Variants in PCDHGA9 observed in about 807,000 individuals in gnomAD.
The protein encoded by PCDHGA9 is protocadherin gamma subfamily A, 9.
Under a neutral mutation model 62.5 loss-of-function variants are expected in PCDHGA9, and 37 were observed. The ratio of observed to expected loss-of-function variants is 0.59; its 90% CI spans 0.46 to 0.78. PCDHGA9 has a LOEUF of 0.78. Among genes scored for constraint, PCDHGA9 ranks in the 30% least tolerant of loss-of-function variants. The probability of loss-of-function intolerance (pLI) is 0.00; values close to 1 mark genes in which losing one functional copy is unlikely to be tolerated. For missense variants in PCDHGA9, 1,138 were observed against 1,166.2 expected, an observed-to-expected ratio of 0.98 and a Z score of 0.35; for synonymous variants, 459 against 484.6, an observed-to-expected ratio of 0.95 and a Z score of 0.69.
At chr5:141,422,149 C>G in intron 1 of PCDHGA9, 1 of 1,577,238 alleles carries the variant, frequency 6.3e-7, no homozygotes. Context: ...ACGGGGGTCT[C>G]TGGATTTTGA....
intron 1 of PCDHGA9, among the ~76,000 whole-genome samples, chr5:141,448,813 C>T (rs1020956433): frequency 2.0e-5 from 3 of 151,800 alleles, no homozygotes; most frequent in Admixed American, 1.3e-4. Context: ...GGCGTGATGG[C>T]GGGCGCCTGT....
At chr5:141,467,704 C>T (rs2099149502) in intron 1 of PCDHGA9, among the ~76,000 whole-genome samples, 2 of 152,174 alleles carry the variant, frequency 1.3e-5, no homozygotes. Flanking sequence ...CTCTGTTGCC[C>T]AGGCTGGAGT....
In PCDHGA9 at chr5:141,511,286, G is replaced by A. The variant is rs1231704933; in HGVS notation, c.*113G>A. On this transcript the variant is annotated 3_prime_UTR_variant, in exon 4 of 4. Coordinates refer to ENST00000573521, the MANE Select transcript of PCDHGA9 (RefSeq NM_018921.3). The stretch of plus-strand genomic sequence containing the variant: ...GGCTAACCCCCAGAATACTGGTAGG[G>A]GCCAAGGCCATGCTCCCCTTGGGAA... 2 of 1,520,242 alleles carry A rather than the reference G, an allele frequency of 1.3e-6. No individual in the cohort carries two copies. The allele number at this position is 1,520,242 out of a possible 1,614,324, so 94.2% of individuals were successfully genotyped here.
In PCDHGA9 at chr5:141,487,917, CTACAGTGCACAGGG is replaced by C; in HGVS notation, c.2425-6879_2425-6866del. On this transcript the variant is annotated intron_variant, in intron 1 of 3. Coordinates refer to ENST00000573521, the MANE Select transcript of PCDHGA9 (RefSeq NM_018921.3). The surrounding 1 kb of genome is among the most constrained non-coding windows in gnomAD (Gnocchi z 5.0). ...TGATGGAATGTGGGAGCACAGGAGG[CTACAGTGCACAGGG>C]TACAGTGCACCAGGCAGTCACTTGG... 1 of 647,994 alleles carries C rather than the reference CTACAGTGCACAGGG, an allele frequency of 1.5e-6. No homozygotes were observed. The highest frequency in any genetic ancestry group is 2.7e-6 in the Non-Finnish European group (1 of 377,182). 40.1% of individuals were successfully genotyped at this position (647,994 alleles called of 1,614,324 possible).
chr5:141,423,157 G>A (rs527921011), intron 1 of PCDHGA9: 1 of 1,610,820 alleles, frequency 6.2e-7, no homozygotes, highest in Non-Finnish European at 8.5e-7. Flanking sequence ...GCAGAGCCTC[G>A]TGGTGGCCGT....
chr5:141,409,748 G>A (rs2095311209), intron 1 of PCDHGA9: 1 of 1,613,018 alleles, frequency 6.2e-7, no homozygotes, highest in Non-Finnish European at 8.5e-7. Context: ...GGTGGTGTTC[G>A]CGCAGCGCGC....
In PCDHGA9 at chr5:141,491,410, G is replaced by T. The variant is rs777207581; in HGVS notation, c.2425-3397G>T. On this transcript the variant is annotated intron_variant, in intron 1 of 3. Transcript: ENST00000573521. The surrounding 1 kb of genome is among the most constrained non-coding windows in gnomAD (Gnocchi z 6.9). ...GTGCCTTCAGGGAAACGCAGACGGG[G>T]ACGGGGGTGGAGGGCAGTGCTGCAG... 28 of 1,614,142 alleles carry T rather than the reference G, an allele frequency of 1.7e-5. No individual in the cohort carries two copies. The highest frequency in any genetic ancestry group is 2.4e-5 in the Non-Finnish European group (28 of 1,180,034).
intron 1 of PCDHGA9, among the ~76,000 whole-genome samples, chr5:141,451,391 T>C (rs928399948): frequency 6.6e-6 from 1 of 152,162 alleles, no homozygotes; most frequent in Non-Finnish European, 1.5e-5. Context: ...ACATAGTTAA[T>C]GGCAAAATTA....
chr5:141,490,796 A>G lies in PCDHGA9; in HGVS notation c.2425-4011A>G. ...CCAGAGGATGGACGGATCTTTGCCC[A>G]GCGTACCTTTGACTATGAATTGCTG... On this transcript the variant is annotated intron_variant, in intron 1 of 3. Coordinates refer to ENST00000573521, the MANE Select transcript of PCDHGA9 (RefSeq NM_018921.3). The surrounding 1 kb of genome is among the most constrained non-coding windows in gnomAD (Gnocchi z 5.4). The G allele has an allele frequency of 6.2e-7, 1 of 1,613,978 alleles. No individual in the cohort carries two copies. The highest frequency in any genetic ancestry group is 8.5e-7 in the Non-Finnish European group (1 of 1,179,904).
intron 1 of PCDHGA9, among the ~76,000 whole-genome samples, chr5:141,457,067 G>A (rs946526462): frequency 1.3e-5 from 2 of 152,166 alleles, no homozygotes; most frequent in Non-Finnish European, 2.9e-5. Flanking sequence ...CTTTTTGCCA[G>A]TAACTATTAT....
chr5:141,431,921 G>C lies in PCDHGA9; in HGVS notation c.2424+26545G>C, dbSNP rs775520324. ...CGGACAGGTGATCTGTTTCATCCAA[G>C]GAAATCTGCCCTTTAAATTAGAAAA... On this transcript the variant is annotated intron_variant, in intron 1 of 3. Transcript: ENST00000573521. This position sits in a 1 kb window ranked among gnomAD's most constrained non-coding sequence, Gnocchi z 4.8. 8.7e-6 allele frequency: 14 copies of C among 1,614,024 alleles called. No individual in the cohort carries two copies. Among genetic ancestry groups the C allele is most frequent in the Non-Finnish European group, 1.2e-5 (14 of 1,179,998 alleles).
intron 1 of PCDHGA9, chr5:141,422,984 G>A (rs752694873): frequency 4.5e-5 from 73 of 1,614,112 alleles, no homozygotes; most frequent in Non-Finnish European, 5.9e-5. Flanking sequence ...GCGGAACCTG[G>A]CTACCTGGTG....
intron 1 of PCDHGA9, among the ~76,000 whole-genome samples, chr5:141,464,440 T>C (rs566597587): frequency 6.6e-6 from 1 of 151,608 alleles, no homozygotes; most frequent in South Asian, 2.1e-4. Context: ...TATATGTTTG[T>C]TGTTGTTGTT....
chr5:141,441,671 C>T (rs1027440120), intron 1 of PCDHGA9: 1 of 287,648 alleles, frequency 3.5e-6, no homozygotes, highest in African/African-American at 2.3e-5. Flanking sequence ...GCGCACAGTG[C>T]GCCTTCGACC....
intron 2 of PCDHGA9, among the ~76,000 whole-genome samples, chr5:141,495,703 GGAGT>G (rs2099763108): frequency 6.6e-6 from 1 of 152,098 alleles, no homozygotes; most frequent in South Asian, 2.1e-4. Context: ...CAATAAATGT[GGAGT>G]GAGTAACTAC....
At chr5:141,507,474 C>T (rs774159694) in intron 3 of PCDHGA9, among the ~76,000 whole-genome samples, 2 of 152,196 alleles carry the variant, frequency 1.3e-5, no homozygotes, top group Non-Finnish European at 2.9e-5. Flanking sequence ...GCAGGGACTG[C>T]TGGCCTCCTG....
rs115990854 is a variant in PCDHGA9 at position 141,433,033 on chromosome 5, C to T, written c.2424+27657C>T. On this transcript the variant is annotated intron_variant, in intron 1 of 3. Coordinates refer to ENST00000573521, the MANE Select transcript of PCDHGA9 (RefSeq NM_018921.3). ...TGCAGACCTATTCCCACGAGGTTTC[C>T]CTCACCACGGACTCGCGGAAGAGTC... The T allele has an allele frequency of 6.4e-3, 10,342 of 1,614,162 alleles. 43 individuals are homozygous for T. The highest frequency in any genetic ancestry group is 8.6e-3 in the Middle Eastern group (52 of 6,062).
At position 141,404,949 on chromosome 5, in the gene PCDHGA9, A is replaced by G; in HGVS notation, c.1997A>G (p.Asp666Gly). 6.2e-7 allele frequency: 1 copy of G among 1,613,834 alleles called. No individual in the cohort carries two copies. Among genetic ancestry groups the G allele is most frequent in the Non-Finnish European group, 8.5e-7 (1 of 1,179,854 alleles). Reference protein sequence around the residue: ...ATVTLTVAIADSIPDILADLG... With the variant: ...ATVTLTVAIAGSIPDILADLG... ...GTCACGCTCACAGTAGCCATAGCTG[A>G]CAGCATCCCAGACATCCTGGCTGAC... Residue 666 changes from aspartate (D) to glycine (G), a missense_variant, in exon 1 of 4, where the codon GAC (aspartate) becomes GGC (glycine). Transcript: ENST00000573521.
At chr5:141,408,598 A>G (rs1391583761) in intron 1 of PCDHGA9, 1 of 1,614,070 alleles carries the variant, frequency 6.2e-7, no homozygotes, top group Admixed American at 1.7e-5. Flanking sequence ...ACGCCCCTCA[A>G]TTTGATAAAA....
Sources: allele counts gnomAD v4.1 joint callset (sites outside exome capture counted in the v4.1 genomes callset), GRCh38; gene constraint gnomAD v4.1.1; non-coding constraint Gnocchi (gnomAD v3.1); transcripts MANE v1.5; gene names NCBI Gene and HGNC (gene_info 2026-07-23, HGNC 2026-07-21).